Variants in MARK3 observed in about 807,000 individuals in gnomAD.
The protein encoded by MARK3 is microtubule affinity regulating kinase 3.
A neutral mutation model predicts 90.1 loss-of-function variants in MARK3; 46 were observed. The observed-to-expected ratio is 0.51, with a 90% CI of 0.40 to 0.65. MARK3 has a LOEUF of 0.65. Among genes scored for constraint, MARK3 ranks in the 30% least tolerant of loss-of-function variants. MARK3 has a pLI of 0.00. For synonymous variants in MARK3, 321 were observed against 332.6 expected, an observed-to-expected ratio of 0.97 and a Z score of 0.38; for missense variants, 818 against 947.2, an observed-to-expected ratio of 0.86 and a Z score of 1.79.
intron 2 of MARK3, among the ~76,000 whole-genome samples, chr14:103,421,531 C>G (rs7158822): frequency 1.3e-5 from 2 of 151,936 alleles, no homozygotes; most frequent in African/African-American, 4.8e-5. Context: ...AAAGGGGTGA[C>G]GAGTGCCTGG....
chr14:103,390,164 C>T (rs1221811126), intron 1 of MARK3, among the ~76,000 whole-genome samples: 3 of 152,032 alleles, frequency 2.0e-5, no homozygotes, highest in South Asian at 2.1e-4. Context: ...AGGAGAATGG[C>T]GTGATCCCGG....
intron 1 of MARK3, among the ~76,000 whole-genome samples, chr14:103,389,387 G>A (rs1465824697): frequency 1.3e-5 from 2 of 150,876 alleles, no homozygotes; most frequent in African/African-American, 4.9e-5. Context: ...AATTAGCCAG[G>A]TGCGGTGGTG....
At chr14:103,464,663 A>G (rs1344835858) in intron 7 of MARK3, among the ~76,000 whole-genome samples, 3 of 152,050 alleles carry the variant, frequency 2.0e-5, no homozygotes, top group South Asian at 2.1e-4. Flanking sequence ...TTTTATAGCT[A>G]TTTAGCCGTT....
At chr14:103,398,629 T>C (rs1018006583) in intron 1 of MARK3, among the ~76,000 whole-genome samples, 2 of 152,184 alleles carry the variant, frequency 1.3e-5, no homozygotes, top group Admixed American at 6.5e-5. Context: ...TGCCTCAGCC[T>C]CTGAAGGTGC....
rs753414946 is a variant in MARK3 at position 103,444,535 on chromosome 14, T to TC, written c.298-4384_298-4383insC. On this transcript the variant is annotated intron_variant, in intron 3 of 17. Transcript: ENST00000429436. Reference sequence around the variant, plus strand: ...GGCTCACGCCTGTAATCCCAGCACTTTGGGAGGCCGAGGCGGGCGGATCAC... The same window carrying TC: ...GGCTCACGCCTGTAATCCCAGCACTTCTGGGAGGCCGAGGCGGGCGGATCAC... Among the ~76,000 whole-genome samples, 110 of 152,172 alleles carry TC rather than the reference T, an allele frequency of 7.2e-4. 1 individual carries two copies. The highest frequency in any genetic ancestry group is 9.3e-4 in the Non-Finnish European group (63 of 68,028).
chr14:103,420,092 A>G (rs903704816), intron 2 of MARK3, among the ~76,000 whole-genome samples: 4 of 152,196 alleles, frequency 2.6e-5, no homozygotes, highest in African/African-American at 4.8e-5. Context: ...TAGAATACAT[A>G]TGTTATATAA....
At chr14:103,406,488 C>T (rs1395467728) in intron 2 of MARK3, among the ~76,000 whole-genome samples, 3 of 152,052 alleles carry the variant, frequency 2.0e-5, no homozygotes, top group African/African-American at 7.3e-5. Flanking sequence ...CTGCCCGCCT[C>T]AGCCTCCCAA....
chr14:103,486,505 T>A (rs190312123), intron 14 of MARK3, among the ~76,000 whole-genome samples: 185 of 152,244 alleles, frequency 1.2e-3, no homozygotes, highest in South Asian at 2.5e-3. Context: ...TTTAAAAAAA[T>A]TTTTTAATTA....
At chr14:103,455,256 CAT>C (rs2141393099) in intron 5 of MARK3, among the ~76,000 whole-genome samples, 1 of 152,268 alleles carries the variant, frequency 6.6e-6, no homozygotes, top group East Asian at 1.9e-4. Context: ...GATATTCACT[CAT>C]GTTTAGTTGT....
intron 12 of MARK3, among the ~76,000 whole-genome samples, chr14:103,470,189 G>A (rs1401229002): frequency 6.6e-6 from 1 of 151,978 alleles, no homozygotes; most frequent in Non-Finnish European, 1.5e-5. Context: ...TTTAAATGTT[G>A]TACTGTGTCA....
At chr14:103,414,969 T>C (rs12881583) in intron 2 of MARK3, among the ~76,000 whole-genome samples, 43,295 of 150,114 alleles carry the variant, frequency 0.29, 7,280 homozygotes, top group Non-Finnish European at 0.36. Flanking sequence ...CTGGCCAACA[T>C]GGCAAAATCC....
chr14:103,440,364 T>C (rs1487542368), intron 3 of MARK3, among the ~76,000 whole-genome samples: 2 of 152,238 alleles, frequency 1.3e-5, no homozygotes, highest in Non-Finnish European at 2.9e-5. Context: ...ACATCCTCCT[T>C]CTTCATTAGA....
intron 3 of MARK3, among the ~76,000 whole-genome samples, chr14:103,442,953 C>A (rs1162166134): frequency 6.8e-6 from 1 of 147,428 alleles, no homozygotes; most frequent in Non-Finnish European, 1.5e-5. Flanking sequence ...CCCCCCCCCT[C>A]CCACCGACAA....
At chr14:103,485,252 C>CTTTTTT (rs36010258) in intron 14 of MARK3, among the ~76,000 whole-genome samples, 1 of 83,584 alleles carries the variant, frequency 1.2e-5, no homozygotes, top group African/African-American at 5.0e-5. Context: ...AAAAAGGCTG[C>CTTTTTT]TTTTTTTTTT....
chr14:103,495,413 T>C (rs948366794), intron 15 of MARK3, among the ~76,000 whole-genome samples: 5 of 149,950 alleles, frequency 3.3e-5, no homozygotes, highest in African/African-American at 1.2e-4. Context: ...CCAGGAGGCG[T>C]AGGTTGCAGA....
At chr14:103,502,622 C>T (rs746034580) in intron 17 of MARK3, among the ~76,000 whole-genome samples, 2 of 152,336 alleles carry the variant, frequency 1.3e-5, no homozygotes, top group East Asian at 1.9e-4. Flanking sequence ...CGAATTACTT[C>T]GTTCATTTTA....
rs746451070 is a variant in MARK3, at chr14:103,467,104, A to G, written c.1023A>G (p.Ser341=). 3 of 1,578,940 alleles carry G rather than the reference A, an allele frequency of 1.9e-6. No homozygotes were observed. In the East Asian group the frequency reaches 6.7e-5, roughly 35 times the overall value. The change falls in exon 11 of 18, where the codon TCA becomes TCG. Residue 341 remains serine (S), a synonymous_variant. Coordinates refer to ENST00000429436, the MANE Select transcript of MARK3 (RefSeq NM_001128918.3). ...ATATTATGGTGGGAATGGGATATTC[A>G]CAAGAAGAAATTCAAGAATCTCTTA... is the stretch of plus-strand genomic sequence containing the variant. The part of the protein sequence containing the change: ...RIDIMVGMGY[S]QEEIQESLSK...
chr14:103,470,428 C>CT (rs1044904239), intron 12 of MARK3, among the ~76,000 whole-genome samples: 12 of 136,862 alleles, frequency 8.8e-5, no homozygotes, highest in African/African-American at 2.9e-4. Flanking sequence ...TTTAATTCTA[C>CT]TATTCCAGGA....
chr14:103,450,918 A>AT (rs1566866017), intron 4 of MARK3, among the ~76,000 whole-genome samples: 3 of 29,716 alleles, frequency 1.0e-4, no homozygotes, highest in Non-Finnish European at 1.4e-4. Flanking sequence ...GTGTGTGTGT[A>AT]TTCTTTTTTT....
Sources: allele counts gnomAD v4.1 joint callset (sites outside exome capture counted in the v4.1 genomes callset), GRCh38; gene constraint gnomAD v4.1.1; transcripts MANE v1.5; gene names NCBI Gene and HGNC (gene_info 2026-07-23, HGNC 2026-07-21).